The following CFAP74 variants were observed in gnomAD, a reference collection of about 807,000 sequenced individuals.
The protein encoded by CFAP74 is cilia and flagella associated protein 74.
CFAP74 carries 124 observed loss-of-function variants against 188.9 expected under a neutral mutation model. That is an observed-to-expected ratio of 0.66 (90% CI 0.57 to 0.76). The LOEUF (loss-of-function observed/expected upper bound fraction) is 0.76, where lower values mean the gene tolerates loss of function less well. CFAP74 is among the 30% of genes least tolerant of loss of function. The probability of loss-of-function intolerance (pLI) is 0.00; values close to 1 mark genes in which losing one functional copy is unlikely to be tolerated. For missense variants in CFAP74, 2,198 were observed against 2,165.2 expected (o/e 1.02, Z -0.30); for synonymous variants, 956 against 916.7 (o/e 1.04, Z -0.77).
chr1:1,988,532 C>A lies in CFAP74; in HGVS notation c.276G>T (p.Glu92Asp). ...SALDKMHEEQ[E>D]LFTEKMRGEL... Reference sequence around the variant, plus strand: ...CTCACCTCATCTTCTCAGTGAAAAGCTCTTGCTCCTCATGCATCTTATCCA... The same window carrying A: ...CTCACCTCATCTTCTCAGTGAAAAGATCTTGCTCCTCATGCATCTTATCCA... The change falls in exon 4 of 39, where the codon GAG becomes GAT. Residue 92 changes from glutamate to aspartate, a missense_variant. By Grantham distance (45) the Glu-to-Asp change is conservative. Transcript: ENST00000682832. The A allele has an allele frequency of 6.2e-7, 1 of 1,612,876 alleles. No individual in the cohort carries two copies. The highest frequency in any genetic ancestry group is 8.5e-7 in the Non-Finnish European group (1 of 1,180,026).
chr1:1,932,433 G>C (rs992715803), intron 25 of CFAP74, among the ~76,000 whole-genome samples: 1 of 151,684 alleles, frequency 6.6e-6, no homozygotes, highest in Non-Finnish European at 1.5e-5. Flanking sequence ...TGTAGTGATG[G>C]GGTGTTGCCC....
chr1:1,998,382 G>A (rs1274387410), intron 1 of CFAP74, among the ~76,000 whole-genome samples: 1 of 152,104 alleles, frequency 6.6e-6, no homozygotes, highest in Non-Finnish European at 1.5e-5. Context: ...GGTTTTTACA[G>A]GTGAAATGAT....
intron 2 of CFAP74, 101 bp downstream of exon 2, chr1:1,990,789 C>A: frequency 1.2e-6 from 1 of 806,284 alleles, no homozygotes; most frequent in South Asian, 1.8e-5. Flanking sequence ...GTAAAAGATA[C>A]CCTCTCCCAG....
rs560771992 is a variant in CFAP74, at chr1:1,942,843, C to T, written c.2487-687G>A. Among the ~76,000 whole-genome samples, 4 of 152,296 alleles carry T rather than the reference C, an allele frequency of 2.6e-5. No individual in the cohort carries two copies. The highest frequency in any genetic ancestry group is 1.9e-4 in the East Asian group (1 of 5,180). Reference sequence around the variant, plus strand: ...CGCCACAGCTGCCCCGGGCAATCCACGAGGGGGGACCCAGAGGGTGTGGCA... The same window carrying T: ...CGCCACAGCTGCCCCGGGCAATCCATGAGGGGGGACCCAGAGGGTGTGGCA... On this transcript the variant is annotated intron_variant, in intron 21 of 38. Transcript: ENST00000682832. The surrounding 1 kb of genome is among the most constrained non-coding windows in gnomAD (Gnocchi z 4.3).
chr1:1,966,587 A>G, intron 11 of CFAP74, 61 bp from the exon 12 acceptor site: 1 of 1,362,658 alleles, frequency 7.3e-7, no homozygotes, highest in South Asian at 1.9e-5. Flanking sequence ...GGGAAGAGAA[A>G]CTCGGCCCAG....
chr1:1,948,124 G>C (rs28671104), intron 18 of CFAP74, among the ~76,000 whole-genome samples: 21,689 of 151,844 alleles, frequency 0.14, 1,810 homozygotes, highest in Middle Eastern at 0.23. Flanking sequence ...GCCCACCTTG[G>C]CCTCCCAAAG....
intron 9 of CFAP74, among the ~76,000 whole-genome samples, chr1:1,971,062 CACACGCACACCTGCACACACTCAT>C (rs1655966568): frequency 1.4e-5 from 2 of 144,026 alleles, no homozygotes; most frequent in Admixed American, 6.7e-5. Context: ...CACATGCTCA[CACACGCACACCTGCACACACTCAT>C]ACATGCACAC....
chr1:1,923,615 C>T lies in CFAP74; in HGVS notation c.4390-116G>A. 1 of 1,527,806 alleles carries T rather than the reference C, an allele frequency of 6.5e-7. No homozygotes were observed. 94.6% of individuals were successfully genotyped at this position (1,527,806 alleles called of 1,614,324 possible). ...GGGACGGCCTGGGGGCCCCGTGGGGCCCTGGACTCTGGTCTTTCCACTGAC... is the reference window on the plus strand; with the variant it reads ...GGGACGGCCTGGGGGCCCCGTGGGGTCCTGGACTCTGGTCTTTCCACTGAC... On this transcript the variant is annotated intron_variant, in intron 35 of 38. Coordinates refer to ENST00000682832, the MANE Select transcript of CFAP74 (RefSeq NM_001304360.2). This position sits in a 1 kb window ranked among gnomAD's most constrained non-coding sequence, Gnocchi z 6.3.
rs372892177 is a variant in CFAP74 at position 1,947,021 on chromosome 1, C to A, written c.2210G>T (p.Ser737Ile). Residue 737 changes from serine to isoleucine, a missense_variant, in exon 19 of 39, where the codon AGC becomes ATC. Coordinates refer to ENST00000682832, the MANE Select transcript of CFAP74 (RefSeq NM_001304360.2). The stretch of plus-strand genomic sequence containing the variant: ...CAGCGTGATCTCCGTCTGCTCTTCG[C>A]TGGGAGGTATCACTGTGGTTAATCT... ...PERLTTVIPPSEEQTEITLGE... is the reference protein window; with the variant it reads ...PERLTTVIPPIEEQTEITLGE... The A allele has an allele frequency of 2.6e-6, 4 of 1,536,130 alleles. No individual in the cohort carries two copies.
intron 1 of CFAP74, among the ~76,000 whole-genome samples, chr1:1,992,455 A>G (rs1172238559): frequency 6.6e-6 from 1 of 151,564 alleles, no homozygotes; most frequent in Non-Finnish European, 1.5e-5. Flanking sequence ...AGCTTGAGCC[A>G]CTACATCTGG....
chr1:1,945,842 A>AAAAAGAAC (rs571931194), intron 20 of CFAP74, among the ~76,000 whole-genome samples: 477 of 144,070 alleles, frequency 3.3e-3, no homozygotes, highest in African/African-American at 7.6e-3. Context: ...AAAAAAAAAA[A>AAAAAGAAC]AAAGAACAAA....
At chr1:1,957,320 T>C (rs1282625149) in intron 16 of CFAP74, among the ~76,000 whole-genome samples, 1 of 152,200 alleles carries the variant, frequency 6.6e-6, no homozygotes, top group East Asian at 1.9e-4. Context: ...TTCTGGGCTC[T>C]GAGTTTGGAG....
At chr1:1,994,285 T>A (rs1657798365) in intron 1 of CFAP74, among the ~76,000 whole-genome samples, 1 of 151,690 alleles carries the variant, frequency 6.6e-6, no homozygotes. Context: ...TAATTCCGGG[T>A]GAAATGTACA....
At chr1:1,988,995 TAAAA>T in intron 2 of CFAP74, 22 bp from the exon 3 acceptor site, 2 of 915,834 alleles carry the variant, frequency 2.2e-6, no homozygotes, top group Non-Finnish European at 1.7e-6. Flanking sequence ...GGCAAGAGTT[TAAAA>T]AAAAAAAAAA....
At chr1:1,927,299 G>A (rs1651982925) in intron 28 of CFAP74, 4 of 576,412 alleles carry the variant, frequency 6.9e-6, no homozygotes, top group East Asian at 2.9e-5. Flanking sequence ...GTTCCTTCCC[G>A]GGGCCACAGG....
intron 1 of CFAP74, among the ~76,000 whole-genome samples, chr1:1,991,206 T>C (rs541606357): frequency 6.6e-6 from 1 of 152,314 alleles, no homozygotes; most frequent in Admixed American, 6.5e-5. Context: ...CCGGGCGCGG[T>C]GGCTCATGCC....
chr1:1,926,040 G>A (rs1051067571), intron 32 of CFAP74, 102 bp from the exon 33 acceptor site: 7 of 1,413,992 alleles, frequency 5.0e-6, no homozygotes, highest in East Asian at 2.5e-5. Context: ...AGTTGAGACA[G>A]CTCTGGGGGG....
chr1:1,990,135 T>C (rs916940043), intron 2 of CFAP74, among the ~76,000 whole-genome samples: 1 of 152,206 alleles, frequency 6.6e-6, no homozygotes, highest in Non-Finnish European at 1.5e-5. Flanking sequence ...AGCTTTAATT[T>C]TTGATACAGT....
intron 15 of CFAP74, 148 bp downstream of exon 15, chr1:1,959,816 A>G (rs1007240469): frequency 1.1e-5 from 7 of 642,686 alleles, no homozygotes; most frequent in African/African-American, 9.8e-5. Context: ...TATTTTTGGA[A>G]GTAAAATAGC....
Sources: gnomAD v4.1 joint callset for allele counts (sites outside exome capture counted in the v4.1 genomes callset) on GRCh38, gnomAD v4.1.1 for gene constraint, Gnocchi (gnomAD v3.1) non-coding constraint, MANE v1.5 for transcripts, NCBI Gene and HGNC (gene_info 2026-07-23, HGNC 2026-07-21) for gene names.